MPRIP: variants seen among roughly 807,000 people sequenced by gnomAD.
The protein encoded by MPRIP is myosin phosphatase Rho interacting protein.
MPRIP carries 59 observed loss-of-function variants against 234.9 expected under a neutral mutation model. The observed-to-expected ratio is 0.25, with a 90% CI of 0.20 to 0.31. The LOEUF is 0.31. Ranked by LOEUF, MPRIP falls within the 10% of genes least tolerant of loss-of-function variation. MPRIP has a pLI of 1.00. For missense variants in MPRIP, 2,436 were observed against 3,071.0 expected, an observed-to-expected ratio of 0.79 and a Z score of 4.89; for synonymous variants, 1,144 against 1,263.9, an observed-to-expected ratio of 0.91 and a Z score of 2.01.
At chr17:17,133,241 C>G (rs2090632087) in intron 5 of MPRIP, among the ~76,000 whole-genome samples, 1 of 152,220 alleles carries the variant, frequency 6.6e-6, no homozygotes, top group Admixed American at 6.5e-5. Context: ...TCAGGCCCCT[C>G]CTAAGACAAC....
In MPRIP at chr17:17,166,477, T is replaced by G. The variant is rs1322783868; in HGVS notation, c.4886T>G (p.Val1629Gly). The G allele has an allele frequency of 7.7e-7, 1 of 1,304,282 alleles. No individual in the cohort carries two copies. The allele number at this position is 1,304,282 out of a possible 1,614,324, so 80.8% of individuals were successfully genotyped here. Residue 1629 changes from valine to glycine, a missense_variant, in exon 16 of 24, where the codon GTT becomes GGT. Around this residue, in one of 4 missense-constraint regions of MPRIP, gnomAD observed 1,998 missense variants for 2,520.3 expected, o/e 0.79. Coordinates refer to ENST00000651222, the MANE Select transcript of MPRIP (RefSeq NM_001364716.4). This position sits in a 1 kb window ranked among gnomAD's most constrained non-coding sequence, Gnocchi z 4.4. ...GTGGATGGTGAGTTCTGGAGCCAGGTTGAGTCTCTGAGGAAGCACTTGGGG... is the reference window on the plus strand; with the variant it reads ...GTGGATGGTGAGTTCTGGAGCCAGGGTGAGTCTCTGAGGAAGCACTTGGGG... ...VLVDGEFWSQ[V>G]ESLRKHLGTL...
At chr17:17,089,270 G>C (rs1357090437) in intron 3 of MPRIP, among the ~76,000 whole-genome samples, 1 of 152,216 alleles carries the variant, frequency 6.6e-6, no homozygotes, top group Non-Finnish European at 1.5e-5. Flanking sequence ...GATGTGAGCA[G>C]GGCAGCTTCC....
chr17:17,047,049 A>G (rs1238786606), intron 1 of MPRIP, among the ~76,000 whole-genome samples: 2 of 152,156 alleles, frequency 1.3e-5, no homozygotes, highest in Non-Finnish European at 2.9e-5. Context: ...GTGGTGGCAC[A>G]TGCCTGTAAT....
At chr17:17,155,256 C>G (rs199523288) in intron 13 of MPRIP, among the ~76,000 whole-genome samples, 2 of 144,114 alleles carry the variant, frequency 1.4e-5, no homozygotes, top group African/African-American at 5.1e-5. Context: ...AAAGCGTGTT[C>G]TTTTTTTTTT....
At chr17:17,153,753 CAGT>C (rs1219750176) in intron 12 of MPRIP, among the ~76,000 whole-genome samples, 1 of 152,118 alleles carries the variant, frequency 6.6e-6, no homozygotes, top group Non-Finnish European at 1.5e-5. Flanking sequence ...TGGACAGCTG[CAGT>C]AACCACCCAG....
chr17:17,052,916 T>C (rs2088585430), intron 1 of MPRIP, among the ~76,000 whole-genome samples: 1 of 152,170 alleles, frequency 6.6e-6, no homozygotes, highest in Admixed American at 6.5e-5. Context: ...TGGCGCACTT[T>C]CCACACAAGG....
intron 16 of MPRIP, chr17:17,169,024 C>G (rs1454584004): frequency 2.2e-6 from 1 of 456,768 alleles, no homozygotes; most frequent in African/African-American, 2.0e-5. Flanking sequence ...CGGCCCCACC[C>G]AGACACACAG....
intron 1 of MPRIP, chr17:17,057,572 G>C: frequency 1.4e-6 from 1 of 717,396 alleles, no homozygotes; most frequent in Non-Finnish European, 2.6e-6. Flanking sequence ...TCAGCTAGAG[G>C]GAAAAGGCCT....
At chr17:17,066,243 C>T (rs1483914040) in intron 1 of MPRIP, among the ~76,000 whole-genome samples, 2 of 152,168 alleles carry the variant, frequency 1.3e-5, no homozygotes, top group Admixed American at 1.3e-4. Context: ...CAGCATTTCC[C>T]CATTATGTGT....
intron 3 of MPRIP, among the ~76,000 whole-genome samples, chr17:17,119,726 A>G (rs535873045): frequency 2.5e-4 from 38 of 152,362 alleles, no homozygotes; most frequent in African/African-American, 5.0e-4. Flanking sequence ...TCCCTGCCAG[A>G]GTGCAGATGA....
intron 16 of MPRIP, chr17:17,168,997 C>A (rs1461341900): frequency 2.2e-6 from 1 of 456,834 alleles, no homozygotes; most frequent in African/African-American, 2.0e-5. Context: ...TCACATGTCA[C>A]CTCTGTGTGA....
intron 1 of MPRIP, among the ~76,000 whole-genome samples, chr17:17,069,684 G>A (rs9893911): frequency 0.82 from 125,054 of 152,062 alleles, 51,624 homozygotes; most frequent in East Asian, 0.99. Context: ...GAGAGTACCT[G>A]TCTGTTCACT....
intron 6 of MPRIP, 73 bp from the exon 7 acceptor site, chr17:17,137,843 T>TAA: frequency 8.5e-6 from 10 of 1,170,536 alleles, no homozygotes; most frequent in South Asian, 3.6e-5. Context: ...ACATGGGCTT[T>TAA]AAAAAAAAAA....
rs367682723 is a variant in MPRIP, at chr17:17,184,918, C to T, written c.*24C>T. ...AGGTGTGTCCCATCCAAGTTGAGCA[C>T]GCGCCTTCCCCAGCTTGCAGCAGCA... is the stretch of plus-strand genomic sequence containing the variant. On this transcript the variant is annotated 3_prime_UTR_variant, in exon 24 of 24. Coordinates refer to ENST00000651222, the MANE Select transcript of MPRIP (RefSeq NM_001364716.4). 1.2e-5 allele frequency: 19 copies of T among 1,566,142 alleles called. No individual in the cohort carries two copies. Among genetic ancestry groups the T allele is most frequent in the African/African-American group, 4.1e-5 (3 of 73,942 alleles).
At chr17:17,157,534 C>G (rs2045755531) in intron 13 of MPRIP, among the ~76,000 whole-genome samples, 6 of 152,194 alleles carry the variant, frequency 3.9e-5, no homozygotes, top group Admixed American at 3.9e-4. Context: ...CTGGATTGGG[C>G]TTTTAAAACA....
At chr17:17,117,356 A>G (rs1754331761) in intron 3 of MPRIP, among the ~76,000 whole-genome samples, 1 of 152,224 alleles carries the variant, frequency 6.6e-6, no homozygotes. Context: ...CCAAAACATT[A>G]GGCCACTTCT....
At chr17:17,050,911 G>A (rs2088519984) in intron 1 of MPRIP, among the ~76,000 whole-genome samples, 1 of 152,192 alleles carries the variant, frequency 6.6e-6, no homozygotes. Context: ...TTGCACCCTA[G>A]CTTTTTTCCC....
In MPRIP at chr17:17,146,098, T is replaced by A. The variant is rs1262454470; in HGVS notation, c.1560+6T>A. The A allele has an allele frequency of 6.2e-7, 1 of 1,613,646 alleles. No homozygotes were observed. Among genetic ancestry groups the A allele is most frequent in the South Asian group, 1.1e-5 (1 of 90,998 alleles). ...AGCAGTATGAGGACGGCCAGGTGAG[T>A]GTGCAGGGTTGCCGTGGCCCCTGAG... On this transcript the variant is annotated splice_donor_region_variant and intron_variant, in intron 10 of 23. Coordinates refer to ENST00000651222, the MANE Select transcript of MPRIP (RefSeq NM_001364716.4).
chr17:17,124,909 C>T (rs1246580006), intron 3 of MPRIP, among the ~76,000 whole-genome samples: 1 of 152,162 alleles, frequency 6.6e-6, no homozygotes, highest in African/African-American at 2.4e-5. Context: ...AAAGCCAGGA[C>T]CCCCACCTTG....
Sources: allele counts gnomAD v4.1 joint callset (sites outside exome capture counted in the v4.1 genomes callset), GRCh38; gene constraint gnomAD v4.1.1; regional missense constraint gnomAD v4.1.1; non-coding constraint Gnocchi (gnomAD v3.1); transcripts MANE v1.5; gene names NCBI Gene and HGNC (gene_info 2026-07-23, HGNC 2026-07-21).